MYCBPAP: variants seen among roughly 807,000 people sequenced by gnomAD.
MYCBPAP encodes MYCBP associated protein.
MYCBPAP carries 60 observed loss-of-function variants against 106.1 expected under a neutral mutation model. The observed-to-expected ratio is 0.57, with a 90% CI of 0.46 to 0.70. The LOEUF is 0.70. MYCBPAP is among the 30% of genes least tolerant of loss of function. The pLI is 0.00. For missense variants in MYCBPAP, 1,064 were observed against 1,169.3 expected (o/e 0.91, Z 1.31); for synonymous variants, 407 against 440.6 (o/e 0.92, Z 0.95).
Position 50,525,088 on chromosome 17 carries a change from G to A in MYCBPAP, c.1782+65G>A, listed in dbSNP as rs138505293. 87 of 1,554,508 alleles carry A rather than the reference G, an allele frequency of 5.6e-5. No individual in the cohort carries two copies. The East Asian group carries it at 1.9e-3, about 34-fold the overall frequency. The stretch of plus-strand genomic sequence containing the variant: ...CTGCGTCAAGGGTCCCCAACCCGCA[G>A]GCCGCACAGCGGCAGGTGAGCAGTG... On this transcript the variant is annotated intron_variant, in intron 13 of 18. Coordinates refer to ENST00000323776, the MANE Select transcript of MYCBPAP (RefSeq NM_032133.6).
At chr17:50,520,101 C>T in intron 7 of MYCBPAP, 1 of 277,998 alleles carries the variant, frequency 3.6e-6, no homozygotes, top group Non-Finnish European at 6.8e-6. Flanking sequence ...CTGTCACTGT[C>T]AACTGGACAC....
Position 50,523,755 on chromosome 17 carries a change from G to T in MYCBPAP, c.1606G>T (p.Val536Phe). Reference protein sequence around the residue: ...NLHAVSLTQDVFEDERKVLES... With the variant: ...NLHAVSLTQDFFEDERKVLES... Reference sequence around the variant, plus strand: ...CCACGCGGTCTCCCTGACCCAGGACGTTTTTGAGGATGAGAGGAAAGTACT... The same window carrying T: ...CCACGCGGTCTCCCTGACCCAGGACTTTTTTGAGGATGAGAGGAAAGTACT... Residue 536 changes from valine (V) to phenylalanine (F), a missense_variant, in exon 12 of 19, where the codon GTT becomes TTT. Val to Phe is a conservative substitution (Grantham distance 50). Transcript: ENST00000323776. 6.2e-7 allele frequency: 1 copy of T among 1,614,108 alleles called. No homozygotes were observed. Among genetic ancestry groups the T allele is most frequent in the Admixed American group, 1.7e-5 (1 of 60,012 alleles).
intron 7 of MYCBPAP, chr17:50,520,033 CTT>C: frequency 2.3e-6 from 1 of 431,084 alleles, no homozygotes; most frequent in Non-Finnish European, 4.1e-6. Flanking sequence ...AGTGTGGAGC[CTT>C]GAGCCACATG....
rs192604574 is a variant in MYCBPAP, at chr17:50,510,679, C to A, written c.76+1929C>A. 1.7e-3 allele frequency among the ~76,000 whole-genome samples: 252 copies of A among 147,160 alleles called. 1 individual carries two copies. The highest frequency in any genetic ancestry group is 6.2e-3 in the African/African-American group (242 of 39,160). ...TTGCTAGTATTACAGGTGCACACCACCATGCCTGGCAAATTTTTTTTTTTT... is the reference window on the plus strand; with the variant it reads ...TTGCTAGTATTACAGGTGCACACCAACATGCCTGGCAAATTTTTTTTTTTT... On this transcript the variant is annotated intron_variant, in intron 1 of 18. Transcript: ENST00000323776.
rs1028825851 is a variant in MYCBPAP at position 50,523,799 on chromosome 17, A to G, written c.1635+15A>G. On this transcript the variant is annotated intron_variant, in intron 12 of 18. Transcript: ENST00000323776. Reference sequence around the variant, plus strand: ...AAGTACTGGAGGTAAGGGACCCAGGACCATGGCCCCTGTGGACATCAGGTA... The same window carrying G: ...AAGTACTGGAGGTAAGGGACCCAGGGCCATGGCCCCTGTGGACATCAGGTA... The G allele has an allele frequency of 6.2e-7, 1 of 1,609,584 alleles. No individual in the cohort carries two copies. The highest frequency in any genetic ancestry group is 8.5e-7 in the Non-Finnish European group (1 of 1,177,354).
chr17:50,514,847 C>G lies in MYCBPAP; in HGVS notation c.77-1723C>G, dbSNP rs779945429. 17 of 438,436 alleles carry G rather than the reference C, an allele frequency of 3.9e-5. 1 individual carries two copies. The highest frequency in any genetic ancestry group is 2.3e-4 in the South Asian group (14 of 61,318). 27.2% of individuals were successfully genotyped at this position (438,436 alleles called of 1,614,324 possible). A position where few individuals can be genotyped will look rare whatever the true frequency, so the allele number is the denominator to read the frequency against. Reference sequence around the variant, plus strand: ...TAATTTTTTGATTTTTTTTATAGAGCCCAGACTGGTCTTGAACTCCTGGGC... The same window carrying G: ...TAATTTTTTGATTTTTTTTATAGAGGCCAGACTGGTCTTGAACTCCTGGGC... On this transcript the variant is annotated intron_variant, in intron 1 of 18. Coordinates refer to ENST00000323776, the MANE Select transcript of MYCBPAP (RefSeq NM_032133.6).
At chr17:50,515,103 C>T (rs1432893817) in intron 1 of MYCBPAP, among the ~76,000 whole-genome samples, 1 of 152,148 alleles carries the variant, frequency 6.6e-6, no homozygotes, top group Non-Finnish European at 1.5e-5. Flanking sequence ...GCCACTATGC[C>T]TCTTTATGTT....
intron 14 of MYCBPAP, 68 bp downstream of exon 14, chr17:50,526,335 A>T: frequency 6.7e-7 from 1 of 1,493,266 alleles, no homozygotes; most frequent in Non-Finnish European, 8.9e-7. Context: ...GGGAGGACCC[A>T]GCAGCCCCTC....
intron 4 of MYCBPAP, 83 bp from the exon 5 acceptor site, chr17:50,518,458 G>A (rs1037018858): frequency 3.5e-5 from 44 of 1,246,412 alleles, no homozygotes; most frequent in East Asian, 2.6e-5. Context: ...ATAACAGCAC[G>A]GGTTTAGGCC....
chr17:50,531,138 T>TGAGA (rs2034627837), intron 18 of MYCBPAP, among the ~76,000 whole-genome samples, 189 bp from the exon 19 acceptor site: 2 of 126,008 alleles, frequency 1.6e-5, no homozygotes, highest in Non-Finnish European at 3.3e-5. Context: ...GGTGACAGAG[T>TGAGA]GAGATCCTGT....
At position 50,526,058 on chromosome 17, in the gene MYCBPAP, G is replaced by A. The variant is rs762754648; in HGVS notation, c.1960G>A (p.Glu654Lys). 21 of 1,613,790 alleles carry A rather than the reference G, an allele frequency of 1.3e-5. No homozygotes were observed. Among genetic ancestry groups the A allele is most frequent in the East Asian group, 8.9e-5 (4 of 44,890 alleles). ...ACCACGCTTTAGGAGCCCCATCTCC[G>A]AAACTCAAGTGCCCCGGCCTGAGAA... ...LLPRFRSPIS[E>K]TQVPRPENEA... The change falls in exon 14 of 19, where the codon GAA becomes AAA. Residue 654 changes from glutamate to lysine, a missense_variant. Glu to Lys is a moderately conservative substitution (Grantham distance 56). Transcript: ENST00000323776.
Position 50,517,623 on chromosome 17 carries a change from C to A in MYCBPAP, c.393C>A (p.Asp131Glu). The A allele has an allele frequency of 6.2e-7, 1 of 1,614,172 alleles. No individual in the cohort carries two copies. The highest frequency in any genetic ancestry group is 1.1e-5 in the South Asian group (1 of 91,080). The part of the protein sequence containing the change: ...SGPGDSFDGS[D>E]QILPHHILGS... ...CCGGTGACAGCTTCGATGGCAGTGA[C>A]CAGATCCTGCCCCACCACATCTTGG... Residue 131 changes from aspartate to glutamate, a missense_variant, in exon 4 of 19, where the codon GAC becomes GAA. By Grantham distance (45) the Asp-to-Glu change is conservative. Coordinates refer to ENST00000323776, the MANE Select transcript of MYCBPAP (RefSeq NM_032133.6).
intron 1 of MYCBPAP, among the ~76,000 whole-genome samples, chr17:50,515,346 A>T (rs1209254107): frequency 6.6e-6 from 1 of 152,160 alleles, no homozygotes; most frequent in Admixed American, 6.5e-5. Flanking sequence ...TCTGGCATGT[A>T]TCCCTAGAAC....
intron 1 of MYCBPAP, 57 bp from the exon 2 acceptor site, chr17:50,516,513 A>C: frequency 6.4e-7 from 1 of 1,573,406 alleles, no homozygotes; most frequent in Non-Finnish European, 8.6e-7. Flanking sequence ...GTATGTATAT[A>C]TTGATATATA....
chr17:50,522,264 C>A, intron 10 of MYCBPAP, 183 bp downstream of exon 10: 3 of 519,510 alleles, frequency 5.8e-6, no homozygotes, highest in East Asian at 3.3e-5. Flanking sequence ...CACAAGGCTG[C>A]GAGTGTCATA....
rs1281490334 is a variant in MYCBPAP, at chr17:50,508,692, G to A, written c.18G>A (p.Lys6=). Residue 6 remains lysine, a synonymous_variant, in exon 1 of 19, where the codon AAG becomes AAA. Coordinates refer to ENST00000323776, the MANE Select transcript of MYCBPAP (RefSeq NM_032133.6). The part of the protein sequence containing the change: MKSLK[K]DSRLRITPTR... ...GCGGCACCATGAAGTCTCTAAAGAAGGATTCCCGCCTCAGAATAACTCCGA... is the reference window on the plus strand; with the variant it reads ...GCGGCACCATGAAGTCTCTAAAGAAAGATTCCCGCCTCAGAATAACTCCGA... 4 of 1,609,636 alleles carry A rather than the reference G, an allele frequency of 2.5e-6. No homozygotes were observed. Among genetic ancestry groups the A allele is most frequent in the Non-Finnish European group, 3.4e-6 (4 of 1,177,316 alleles).
intron 1 of MYCBPAP, chr17:50,515,902 G>A (rs2034031513): frequency 6.6e-6 from 1 of 152,298 alleles, no homozygotes; most frequent in Non-Finnish European, 1.5e-5. Context: ...TGAACTCCTG[G>A]GCCCAAGCAA....
intron 5 of MYCBPAP, 25 bp downstream of exon 5, chr17:50,518,749 G>A (rs200682370): frequency 7.1e-6 from 11 of 1,553,698 alleles, no homozygotes; most frequent in African/African-American, 4.1e-5. Context: ...CAGGGCTCCC[G>A]CCCGGCCTCC....
Position 50,526,281 on chromosome 17 carries a change from C to T in MYCBPAP, c.2169+14C>T. The T allele has an allele frequency of 6.3e-7, 1 of 1,578,750 alleles. No individual in the cohort carries two copies. Among genetic ancestry groups the T allele is most frequent in the African/African-American group, 1.4e-5 (1 of 73,866 alleles). On this transcript the variant is annotated intron_variant, in intron 14 of 18. Transcript: ENST00000323776. ...GACTTCAGAAAGGTGCTTCCAAGAC[C>T]CTGGAAGGCAATGGTAGAGAATATT...
Sources: allele counts gnomAD v4.1 joint callset (sites outside exome capture counted in the v4.1 genomes callset), GRCh38; gene constraint gnomAD v4.1.1; transcripts MANE v1.5; gene names NCBI Gene and HGNC (gene_info 2026-07-23, HGNC 2026-07-21).